The following LRMDA variants were observed in gnomAD, a reference collection of about 807,000 sequenced individuals.
LRMDA encodes leucine-rich melanocyte differentiation-associated protein.
LRMDA carries 18 observed loss-of-function variants against 29.8 expected under a neutral mutation model. The ratio of observed to expected loss-of-function variants is 0.60; its 90% CI spans 0.42 to 0.90. The LOEUF (loss-of-function observed/expected upper bound fraction) is 0.90. Ranked by LOEUF, LRMDA falls within the 40% of genes least tolerant of loss-of-function variation. LRMDA has a pLI of 0.00. For missense variants in LRMDA, 273 were observed against 273.9 expected (o/e 1.00, Z 0.02); for synonymous variants, 125 against 109.4 (o/e 1.14, Z -0.89).
At chr10:75,606,234 C>A (rs1453227886) in intron 2 of LRMDA, among the ~76,000 whole-genome samples, 1 of 142,136 alleles carries the variant, frequency 7.0e-6, no homozygotes, top group African/African-American at 3.2e-5. Flanking sequence ...CAAACTGAGG[C>A]CAGTCTTAAC....
At chr10:76,537,332 A>G (rs74398014) in intron 6 of LRMDA, among the ~76,000 whole-genome samples, 110 of 152,306 alleles carry the variant, frequency 7.2e-4, no homozygotes, top group Admixed American at 1.6e-3. Context: ...ACACAGTCAT[A>G]TGTGTATATT....
intron 5 of LRMDA, among the ~76,000 whole-genome samples, chr10:76,212,826 G>A (rs924748839): frequency 6.6e-6 from 1 of 152,184 alleles, no homozygotes; most frequent in Non-Finnish European, 1.5e-5. Context: ...GTAGGTGGAA[G>A]TGACTTGGAT....
At chr10:75,861,811 C>G (rs1478844866) in intron 2 of LRMDA, among the ~76,000 whole-genome samples, 1 of 152,120 alleles carries the variant, frequency 6.6e-6, no homozygotes, top group Non-Finnish European at 1.5e-5. Flanking sequence ...CTGGACTTGG[C>G]AAATGGGACA....
At chr10:75,432,623 T>A (rs1449770959) in intron 1 of LRMDA, among the ~76,000 whole-genome samples, 1 of 152,186 alleles carries the variant, frequency 6.6e-6, no homozygotes, top group African/African-American at 2.4e-5. Flanking sequence ...GGAGAAATAG[T>A]TCTGAGTTTT....
chr10:76,160,704 A>C (rs886624001), intron 5 of LRMDA, among the ~76,000 whole-genome samples: 10 of 152,174 alleles, frequency 6.6e-5, no homozygotes, highest in Non-Finnish European at 1.2e-4. Flanking sequence ...CTCCTTATCC[A>C]GTGCTGTTTA....
intron 2 of LRMDA, among the ~76,000 whole-genome samples, chr10:75,556,057 G>A (rs1441872365): frequency 6.6e-6 from 1 of 152,106 alleles, no homozygotes; most frequent in African/African-American, 2.4e-5. Flanking sequence ...GACAATATCA[G>A]AAGCTCTAAT....
chr10:76,242,365 C>T (rs866473991), intron 5 of LRMDA: 2 of 152,186 alleles, frequency 1.3e-5, no homozygotes, highest in Non-Finnish European at 2.9e-5. Flanking sequence ...TTAAGAACAA[C>T]AGAAATTTAT....
chr10:75,655,038 A>T (rs1444274461), intron 2 of LRMDA, among the ~76,000 whole-genome samples: 2 of 152,202 alleles, frequency 1.3e-5, no homozygotes, highest in Non-Finnish European at 2.9e-5. Context: ...CAGCGAGGAG[A>T]ATTGTCTGAA....
chr10:76,455,914 CT>C (rs1416019905), intron 6 of LRMDA, among the ~76,000 whole-genome samples: 4 of 152,120 alleles, frequency 2.6e-5, no homozygotes, highest in Non-Finnish European at 5.9e-5. Flanking sequence ...AGTAAGGAAT[CT>C]AGAAGGGCCA....
intron 2 of LRMDA, among the ~76,000 whole-genome samples, chr10:75,919,069 T>G (rs1218555051): frequency 1.3e-5 from 2 of 152,206 alleles, no homozygotes; most frequent in African/African-American, 4.8e-5. Flanking sequence ...CCGTAGGAAG[T>G]AGGTGCCGTT....
At chr10:75,730,752 T>G (rs763092988) in intron 2 of LRMDA, among the ~76,000 whole-genome samples, 1 of 152,242 alleles carries the variant, frequency 6.6e-6, no homozygotes, top group Non-Finnish European at 1.5e-5. Flanking sequence ...AACTTTCCTT[T>G]GGCACCTTGA....
chr10:76,287,990 A>G (rs940641853), intron 5 of LRMDA, among the ~76,000 whole-genome samples: 1 of 151,702 alleles, frequency 6.6e-6, no homozygotes. Flanking sequence ...TTTCCAGTTC[A>G]TTTATTTGAG....
intron 5 of LRMDA, among the ~76,000 whole-genome samples, chr10:76,193,622 T>A (rs866870795): frequency 2.6e-5 from 4 of 152,190 alleles, no homozygotes; most frequent in African/African-American, 9.7e-5. Flanking sequence ...TGCCCTTATT[T>A]TTTATGTACT....
intron 2 of LRMDA, among the ~76,000 whole-genome samples, chr10:75,612,480 A>G (rs985720369): frequency 5.3e-5 from 8 of 152,156 alleles, no homozygotes; most frequent in African/African-American, 7.2e-5. Flanking sequence ...AATTGATGCC[A>G]TTTTACTAAG....
chr10:76,001,260 A>C (rs1847558459), intron 2 of LRMDA, among the ~76,000 whole-genome samples: 1 of 152,202 alleles, frequency 6.6e-6, no homozygotes, highest in South Asian at 2.1e-4. Context: ...CAAACAAATA[A>C]AAATGAAGTC....
rs550640280 is a variant in LRMDA, at chr10:76,379,297, G to C, written c.601+54812G>C. ...CAATTTTTTGGAATACTTTCACTAC[G>C]ATTGGTGCCAGTTCCTAGAATGTGT... is the stretch of plus-strand genomic sequence containing the variant. On this transcript the variant is annotated intron_variant, in intron 6 of 6. Transcript: ENST00000611255. Among the ~76,000 whole-genome samples, 40 of 151,840 alleles carry C rather than the reference G, an allele frequency of 2.6e-4. 1 individual carries two copies. In the South Asian group the frequency reaches 3.3e-3, roughly 13 times the overall value.
chr10:76,448,355 C>G (rs1360515520), intron 6 of LRMDA, among the ~76,000 whole-genome samples: 1 of 152,034 alleles, frequency 6.6e-6, no homozygotes, highest in Non-Finnish European at 1.5e-5. Flanking sequence ...ATAAATCATC[C>G]AAATTTTAAT....
chr10:75,947,480 C>T (rs907973540), intron 2 of LRMDA, among the ~76,000 whole-genome samples: 6 of 152,258 alleles, frequency 3.9e-5, no homozygotes, highest in Admixed American at 2.0e-4. Flanking sequence ...GGCAGGTGCC[C>T]AGAGTGCGAG....
At chr10:75,764,928 CGTGTGTGTGTGT>C (rs57422251) in intron 2 of LRMDA, among the ~76,000 whole-genome samples, 14 of 142,850 alleles carry the variant, frequency 9.8e-5, no homozygotes, top group East Asian at 2.1e-4. Flanking sequence ...GCAAGAGACA[CGTGTGTGTGTGT>C]GTGTGTGTGT....
Sources: allele counts gnomAD v4.1 joint callset (sites outside exome capture counted in the v4.1 genomes callset), GRCh38; gene constraint gnomAD v4.1.1; transcripts MANE v1.5; gene names NCBI Gene and HGNC (gene_info 2026-07-23, HGNC 2026-07-21).